Variants in WWOX observed in about 807,000 individuals in gnomAD.
WWOX encodes WW domain containing oxidoreductase, also known as WW domain-containing oxidoreductase.
A neutral mutation model predicts 46.2 loss-of-function variants in WWOX; 69 were observed. The observed-to-expected ratio is 1.49, with a 90% CI of 1.23 to 1.82. The LOEUF is 1.82. WWOX is among the 40% of genes most tolerant of loss of function. The pLI, the probability that WWOX is intolerant of heterozygous loss-of-function variation, is 0.00. For missense variants in WWOX, 919 were observed against 542.6 expected (o/e 1.69, Z -6.89); for synonymous variants, 359 against 202.6 (o/e 1.77, Z -6.56).
At chr16:78,625,146 G>T (rs1046392471) in intron 8 of WWOX, among the ~76,000 whole-genome samples, 2 of 152,196 alleles carry the variant, frequency 1.3e-5, no homozygotes, top group Non-Finnish European at 2.9e-5. Flanking sequence ...CTTTGCTGGA[G>T]AACATCACCA....
intron 8 of WWOX, among the ~76,000 whole-genome samples, chr16:78,667,338 T>A (rs1372534048): frequency 6.6e-6 from 1 of 152,208 alleles, no homozygotes; most frequent in African/African-American, 2.4e-5. Context: ...GTTATCTCAA[T>A]ATATATCTAC....
chr16:78,302,320 A>C (rs904044672), intron 5 of WWOX, among the ~76,000 whole-genome samples: 1 of 152,066 alleles, frequency 6.6e-6, no homozygotes, highest in African/African-American at 2.4e-5. Flanking sequence ...TTGACAGGTA[A>C]ATATATCAGT....
intron 8 of WWOX, among the ~76,000 whole-genome samples, chr16:79,040,996 GCAGACAAGTGCAT>G (rs1160178415): frequency 1.3e-5 from 2 of 151,958 alleles, no homozygotes; most frequent in African/African-American, 2.4e-5. Context: ...CTAGTTACTA[GCAGACAAGTGCAT>G]CAGACAAGTG....
intron 8 of WWOX, among the ~76,000 whole-genome samples, chr16:78,733,645 C>T (rs1257141524): frequency 6.6e-6 from 1 of 151,546 alleles, no homozygotes; most frequent in Non-Finnish European, 1.5e-5. Context: ...GTTCCAGCTA[C>T]TCGGTAGCCT....
In WWOX at chr16:78,414,079, A is replaced by G. The variant is rs557998121; in HGVS notation, c.606-10791A>G. On this transcript the variant is annotated intron_variant, in intron 6 of 8. Coordinates refer to ENST00000566780, the MANE Select transcript of WWOX (RefSeq NM_016373.4). ...CTAACTGATCAGTTGACCTTGTGAC[A>G]TTCCTCTTCCTGAGGCAGTGAGTCT... Among the ~76,000 whole-genome samples, 174 of 151,902 alleles carry G rather than the reference A, an allele frequency of 1.1e-3. 1 individual carries two copies. The highest frequency in any genetic ancestry group is 2.0e-3 in the Non-Finnish European group (138 of 67,950).
intron 8 of WWOX, among the ~76,000 whole-genome samples, chr16:79,200,232 AAGG>A (rs1274479470): frequency 6.6e-6 from 1 of 152,082 alleles, no homozygotes; most frequent in African/African-American, 2.4e-5. Flanking sequence ...GGAGCTCAGA[AAGG>A]AGGAGAAAGG....
chr16:78,366,548 G>T (rs1394676794), intron 5 of WWOX, among the ~76,000 whole-genome samples: 3 of 152,182 alleles, frequency 2.0e-5, no homozygotes, highest in African/African-American at 7.2e-5. Flanking sequence ...TAAAATAGTG[G>T]TCAACTAACT....
At chr16:78,574,290 G>A (rs754429171) in intron 8 of WWOX, among the ~76,000 whole-genome samples, 1 of 152,162 alleles carries the variant, frequency 6.6e-6, no homozygotes, top group South Asian at 2.1e-4. Flanking sequence ...CCAGATTTCT[G>A]CTGATTAATA....
intron 8 of WWOX, among the ~76,000 whole-genome samples, chr16:78,555,130 C>G (rs967516685): frequency 1.5e-5 from 2 of 130,854 alleles, no homozygotes; most frequent in Non-Finnish European, 3.1e-5. Context: ...TTCTCTCTGT[C>G]TTTTTCTCTT....
intron 8 of WWOX, among the ~76,000 whole-genome samples, chr16:78,594,209 C>T (rs1012017321): frequency 3.9e-5 from 6 of 152,130 alleles, no homozygotes; most frequent in East Asian, 1.9e-4. Context: ...ACCCCATATA[C>T]GAAGCAAACC....
intron 8 of WWOX, among the ~76,000 whole-genome samples, chr16:79,146,548 A>T (rs927107569): frequency 2.6e-5 from 4 of 152,144 alleles, no homozygotes; most frequent in African/African-American, 9.7e-5. Context: ...AACCTATCTG[A>T]AGCTTCATTT....
intron 8 of WWOX, among the ~76,000 whole-genome samples, chr16:79,132,151 CA>C (rs1567571736): frequency 1.3e-5 from 2 of 151,726 alleles, no homozygotes; most frequent in African/African-American, 4.9e-5. Flanking sequence ...CACACACACA[CA>C]CACACACACA....
At position 78,232,273 on chromosome 16, in the gene WWOX, G is replaced by T. The variant is rs148589002; in HGVS notation, c.516+67984G>T. ...CAATTGCGGTCAAACACATTCGTCT[G>T]TTCGTTCAATTACAGCAGTAAGGAT... is the stretch of plus-strand genomic sequence containing the variant. On this transcript the variant is annotated intron_variant, in intron 5 of 8. Transcript: ENST00000566780. 4.5e-4 allele frequency among the ~76,000 whole-genome samples: 69 copies of T among 152,284 alleles called. 1 individual carries two copies. The highest frequency in any genetic ancestry group is 1.6e-3 in the African/African-American group (65 of 41,554).
chr16:78,392,615 C>A (rs2082199933), intron 6 of WWOX, among the ~76,000 whole-genome samples: 1 of 152,140 alleles, frequency 6.6e-6, no homozygotes. Flanking sequence ...TTTCTGCAGT[C>A]TGTACTTTGG....
chr16:78,806,531 G>A (rs1346429145), intron 8 of WWOX, among the ~76,000 whole-genome samples: 3 of 152,118 alleles, frequency 2.0e-5, no homozygotes, highest in Non-Finnish European at 4.4e-5. Context: ...GAGGATTGAT[G>A]CTGACTGGTG....
chr16:78,662,331 C>A (rs1042948881), intron 8 of WWOX, among the ~76,000 whole-genome samples: 1 of 152,204 alleles, frequency 6.6e-6, no homozygotes, highest in Non-Finnish European at 1.5e-5. Flanking sequence ...ATTTCATCTG[C>A]ATATACAGGA....
chr16:78,930,775 A>C (rs899320047), intron 8 of WWOX, among the ~76,000 whole-genome samples: 2 of 152,144 alleles, frequency 1.3e-5, no homozygotes, highest in African/African-American at 2.4e-5. Flanking sequence ...GTTCCACGGC[A>C]CCTGTGATGC....
chr16:78,660,288 C>A (rs1336908511), intron 8 of WWOX, among the ~76,000 whole-genome samples: 2 of 152,132 alleles, frequency 1.3e-5, no homozygotes, highest in Admixed American at 1.3e-4. Context: ...CACTAAAATG[C>A]ACTTCCGTAC....
In WWOX at chr16:78,863,117, C is replaced by T. The variant is rs1356916181; in HGVS notation, c.1057-348491C>T. On this transcript the variant is annotated intron_variant, in intron 8 of 8. Coordinates refer to ENST00000566780, the MANE Select transcript of WWOX (RefSeq NM_016373.4). Reference sequence around the variant, plus strand: ...GGGATTACAGGCGCCACCACCAAGCCTGGCTAATTTTTGTATTTTTAATAG... The same window carrying T: ...GGGATTACAGGCGCCACCACCAAGCTTGGCTAATTTTTGTATTTTTAATAG... 2.0e-5 allele frequency among the ~76,000 whole-genome samples: 3 copies of T among 152,028 alleles called. No individual in the cohort carries two copies. In the South Asian group the frequency reaches 6.2e-4, roughly 32 times the overall value.
Sources: allele counts gnomAD v4.1 joint callset (sites outside exome capture counted in the v4.1 genomes callset), GRCh38; gene constraint gnomAD v4.1.1; transcripts MANE v1.5; gene names NCBI Gene and HGNC (gene_info 2026-07-23, HGNC 2026-07-21).